The following PDE11A variants were observed in gnomAD, a reference collection of about 807,000 sequenced individuals.
PDE11A encodes the protein phosphodiesterase 11A, also known as dual 3',5'-cyclic-AMP and -GMP phosphodiesterase 11A.
Under a neutral mutation model 100.5 loss-of-function variants are expected in PDE11A, and 100 were observed. The observed-to-expected ratio is 1.00, with a 90% CI of 0.85 to 1.18. The LOEUF is 1.18. PDE11A is among the 50% of genes most tolerant of loss of function. PDE11A has a pLI of 0.00. For missense variants in PDE11A, 1,141 were observed against 1,152.6 expected (o/e 0.99, Z 0.15); for synonymous variants, 381 against 420.8 (o/e 0.91, Z 1.16).
chr2:177,853,782 G>A (rs1574218442), intron 5 of PDE11A, among the ~76,000 whole-genome samples: 1 of 129,214 alleles, frequency 7.7e-6, no homozygotes, highest in African/African-American at 2.9e-5. Flanking sequence ...ATCTATATAT[G>A]TGTATAGATA....
At chr2:177,708,251 A>T (rs187776846) in intron 13 of PDE11A, among the ~76,000 whole-genome samples, 1 of 152,332 alleles carries the variant, frequency 6.6e-6, no homozygotes, top group African/African-American at 2.4e-5. Flanking sequence ...ATTGAATTTT[A>T]AAAAATGTGG....
chr2:177,820,938 A>G (rs2083129338), intron 6 of PDE11A, among the ~76,000 whole-genome samples: 1 of 151,916 alleles, frequency 6.6e-6, no homozygotes, highest in Admixed American at 6.6e-5. Context: ...TAATATTAAA[A>G]ACAGTGGTCC....
At chr2:177,947,301 A>G (rs2085454992) in intron 2 of PDE11A, among the ~76,000 whole-genome samples, 1 of 145,792 alleles carries the variant, frequency 6.9e-6, no homozygotes, top group Non-Finnish European at 1.5e-5. Context: ...CCAGGATGAC[A>G]ATGGCGGCTT....
Position 177,629,319 on chromosome 2 carries a change from G to C in PDE11A, c.*88C>G. 8.4e-7 allele frequency: 1 copy of C among 1,183,452 alleles called. No individual in the cohort carries two copies. The highest frequency in any genetic ancestry group is 1.3e-6 in the Non-Finnish European group (1 of 788,404). 73.3% of individuals were successfully genotyped at this position (1,183,452 alleles called of 1,614,324 possible). On this transcript the variant is annotated 3_prime_UTR_variant, in exon 20 of 20. Transcript: ENST00000286063. Reference sequence around the variant, plus strand: ...CATCCTTGAGATGTTAGGTCTTTCTGAGCTAAAAGAACAAAAGGATGACAT... The same window carrying C: ...CATCCTTGAGATGTTAGGTCTTTCTCAGCTAAAAGAACAAAAGGATGACAT...
chr2:177,913,047 C>T (rs2084904349), intron 2 of PDE11A, among the ~76,000 whole-genome samples: 1 of 152,104 alleles, frequency 6.6e-6, no homozygotes. Flanking sequence ...GGTTGTACCT[C>T]TCATAATGTT....
At chr2:177,818,080 T>A (rs2083073444) in intron 7 of PDE11A, among the ~76,000 whole-genome samples, 155 bp from the exon 8 acceptor site, 1 of 152,048 alleles carries the variant, frequency 6.6e-6, no homozygotes, top group Admixed American at 6.6e-5. Context: ...TGAGAATAAA[T>A]CTGAGGTGTA....
chr2:177,671,553 T>C (rs2080682041), intron 17 of PDE11A, among the ~76,000 whole-genome samples: 1 of 151,700 alleles, frequency 6.6e-6, no homozygotes, highest in African/African-American at 2.4e-5. Context: ...TTTCTCCAAA[T>C]GTTTCCTAAA....
intron 18 of PDE11A, among the ~76,000 whole-genome samples, chr2:177,666,405 G>C (rs1340940197): frequency 1.3e-5 from 2 of 152,136 alleles, no homozygotes; most frequent in East Asian, 3.8e-4. Context: ...ATTTCTCTTG[G>C]GGATATACCT....
intron 5 of PDE11A, among the ~76,000 whole-genome samples, chr2:177,870,812 G>C (rs78003658): frequency 0.011 from 1,691 of 152,268 alleles, 31 homozygotes; most frequent in African/African-American, 0.038. Context: ...CTCAAAAATA[G>C]TGTCATGTTG....
intron 2 of PDE11A, among the ~76,000 whole-genome samples, chr2:177,977,428 G>A (rs1222969969): frequency 7.4e-6 from 1 of 135,956 alleles, no homozygotes; most frequent in African/African-American, 2.8e-5. Flanking sequence ...ACTGCTCAAG[G>A]AAATAAAAGA....
intron 5 of PDE11A, among the ~76,000 whole-genome samples, chr2:177,852,987 A>C (rs570107842): frequency 6.6e-6 from 1 of 152,314 alleles, no homozygotes; most frequent in African/African-American, 2.4e-5. Flanking sequence ...CTGCAATTAG[A>C]ATGATGAGAT....
chr2:177,899,456 T>A (rs1282687047), intron 3 of PDE11A: 1 of 213,836 alleles, frequency 4.7e-6, no homozygotes, highest in Admixed American at 6.1e-5. Flanking sequence ...CCAAAAAACA[T>A]TTTATAAATA....
intron 2 of PDE11A, among the ~76,000 whole-genome samples, chr2:177,933,068 C>CCA (rs58818826): frequency 0.35 from 51,242 of 146,866 alleles, 8,775 homozygotes; most frequent in African/African-American, 0.42. Context: ...TTTACAATAG[C>CCA]CACACACACA....
intron 4 of PDE11A, among the ~76,000 whole-genome samples, chr2:177,886,220 TAAC>T (rs1290878326): frequency 2.6e-5 from 4 of 152,200 alleles, no homozygotes; most frequent in Non-Finnish European, 5.9e-5. Context: ...TTCCTAATGT[TAAC>T]AGCAGCAGCC....
At chr2:177,923,875 T>C (rs2085089583) in intron 2 of PDE11A, among the ~76,000 whole-genome samples, 1 of 152,212 alleles carries the variant, frequency 6.6e-6, no homozygotes, top group Admixed American at 6.5e-5. Flanking sequence ...TTTCTGAACA[T>C]CCAGCGCAAT....
intron 15 of PDE11A, among the ~76,000 whole-genome samples, chr2:177,690,254 G>A (rs560843423): frequency 6.6e-6 from 1 of 152,302 alleles, no homozygotes; most frequent in African/African-American, 2.4e-5. Flanking sequence ...ATTTCAATGA[G>A]TTAAGTCATC....
At chr2:177,868,763 G>A (rs921511294) in intron 5 of PDE11A, among the ~76,000 whole-genome samples, 4 of 152,126 alleles carry the variant, frequency 2.6e-5, no homozygotes, top group Admixed American at 1.3e-4. Context: ...TTTTGAGGCC[G>A]TCACTTATTG....
intron 1 of PDE11A, among the ~76,000 whole-genome samples, chr2:178,059,664 C>T (rs2086942713): frequency 6.6e-6 from 1 of 152,182 alleles, no homozygotes; most frequent in Non-Finnish European, 1.5e-5. Flanking sequence ...TCCTATTTCC[C>T]AGAGTCCTAT....
chr2:177,826,959 C>T (rs1050071100), intron 6 of PDE11A, among the ~76,000 whole-genome samples: 10 of 152,212 alleles, frequency 6.6e-5, no homozygotes, highest in African/African-American at 2.2e-4. Flanking sequence ...CAATTTTGCA[C>T]ATTTCCCTTT....
Sources: allele counts gnomAD v4.1 joint callset (sites outside exome capture counted in the v4.1 genomes callset), GRCh38; gene constraint gnomAD v4.1.1; transcripts MANE v1.5; gene names NCBI Gene and HGNC (gene_info 2026-07-23, HGNC 2026-07-21).